The following SEZ6L variants were observed in gnomAD, a reference collection of about 807,000 sequenced individuals.
SEZ6L encodes seizure related 6 homolog like, also known as seizure 6-like protein.
Under a neutral mutation model 106.2 loss-of-function variants are expected in SEZ6L, and 37 were observed. That is an observed-to-expected ratio of 0.35 (90% CI 0.27 to 0.46). The LOEUF is 0.46. Ranked by LOEUF, SEZ6L falls within the 20% of genes least tolerant of loss-of-function variation. SEZ6L has a pLI of 1.00. For synonymous variants in SEZ6L, 541 were observed against 570.4 expected, an observed-to-expected ratio of 0.95 and a Z score of 0.73; for missense variants, 1,172 against 1,332.8, an observed-to-expected ratio of 0.88 and a Z score of 1.88.
chr22:26,204,902 C>T lies in SEZ6L; in HGVS notation c.94+35139C>T, dbSNP rs543438345. Among the ~76,000 whole-genome samples the T allele has an allele frequency of 1.6e-3, 251 of 152,358 alleles. 2 individuals are homozygous for T. Among genetic ancestry groups the T allele is most frequent in the South Asian group, 0.014 (70 of 4,828 alleles). On this transcript the variant is annotated intron_variant, in intron 1 of 16. Transcript: ENST00000248933. ...CAGTGGTTCTGTTCACTGCCCCTGC[C>T]CAGCTCTATCTCTCTTTCTGATAAA...
intron 1 of SEZ6L, among the ~76,000 whole-genome samples, chr22:26,252,662 A>G (rs555608183): frequency 6.6e-6 from 1 of 152,350 alleles, no homozygotes; most frequent in South Asian, 2.1e-4. Context: ...ATAAGTGAGA[A>G]CATGCAGTAT....
Position 26,306,057 on chromosome 22 carries a change from G to T in SEZ6L, c.1427G>T (p.Ser476Ile). The change falls in exon 6 of 17, where the codon AGC (serine) becomes ATC (isoleucine). Residue 476 changes from serine to isoleucine, a missense_variant. By Grantham distance (142) the Ser-to-Ile change is moderately radical (BLOSUM62 -2). Around this residue, in one of 4 missense-constraint regions of SEZ6L, gnomAD observed 534 missense variants for 691.0 expected, o/e 0.77. Transcript: ENST00000248933. ...SPSYPENTNG[S>I]QFCIWTIEAP... ...AGTTACCCTGAAAACACAAATGGGA[G>T]CCAATTCTGCATCTGGACGATTGAA... 8 of 1,614,152 alleles carry T rather than the reference G, an allele frequency of 5.0e-6. No individual in the cohort carries two copies. The highest frequency in any genetic ancestry group is 6.8e-6 in the Non-Finnish European group (8 of 1,180,036).
At chr22:26,281,706 G>A (rs369328478) in intron 1 of SEZ6L, among the ~76,000 whole-genome samples, 2 of 152,194 alleles carry the variant, frequency 1.3e-5, no homozygotes, top group South Asian at 2.1e-4. Context: ...ACCCAGTTCC[G>A]ATGTTCTGTG....
At chr22:26,348,817 A>AGGGGGGG (rs1437452365) in intron 11 of SEZ6L, among the ~76,000 whole-genome samples, 1 of 5,682 alleles carries the variant, frequency 1.8e-4, no homozygotes, top group Admixed American at 1.9e-3. Context: ...AGGGGAGAGA[A>AGGGGGGG]GAGAGGGAAG....
At chr22:26,251,353 T>C (rs1396923561) in intron 1 of SEZ6L, among the ~76,000 whole-genome samples, 1 of 126,514 alleles carries the variant, frequency 7.9e-6, no homozygotes, top group Non-Finnish European at 1.8e-5. Context: ...TTTTTTTTTT[T>C]TATCATGAAT....
intron 10 of SEZ6L, among the ~76,000 whole-genome samples, chr22:26,347,227 A>T (rs2083037952): frequency 6.6e-6 from 1 of 151,912 alleles, no homozygotes; most frequent in South Asian, 2.1e-4. Context: ...GATGATGATG[A>T]TAAGAATAAT....
Position 26,278,986 on chromosome 22 carries a change from G to GAGGA in SEZ6L, c.95-13400_95-13397dup, listed in dbSNP as rs71322608. Among the ~76,000 whole-genome samples the GAGGA allele has an allele frequency of 1.1e-3, 49 of 43,940 alleles. 1 individual carries two copies. Among genetic ancestry groups the GAGGA allele is most frequent in the East Asian group, 7.1e-3 (26 of 3,658 alleles). 28.8% of individuals were successfully genotyped at this position (43,940 alleles called of 152,430 possible). A position where few individuals can be genotyped will look rare whatever the true frequency, so the allele number is the denominator to read the frequency against. ...GGAGAGAGGAAGGGAGGGAGGGAGG[G>GAGGA]AGGAAGGAAGGAAGGAAGGAAGGGA... On this transcript the variant is annotated intron_variant, in intron 1 of 16. Transcript: ENST00000248933.
At chr22:26,199,866 A>C (rs1444757536) in intron 1 of SEZ6L, among the ~76,000 whole-genome samples, 1 of 152,246 alleles carries the variant, frequency 6.6e-6, no homozygotes, top group African/African-American at 2.4e-5. Flanking sequence ...AGCACCTCCC[A>C]TGGCCAGTGA....
intron 11 of SEZ6L, among the ~76,000 whole-genome samples, chr22:26,348,405 G>T (rs1467408238): frequency 6.6e-6 from 1 of 150,444 alleles, no homozygotes. Flanking sequence ...TCAGGAGGCT[G>T]AGACAGAAGG....
chr22:26,292,064 T>G (rs1444379419), intron 1 of SEZ6L, among the ~76,000 whole-genome samples: 224 of 91,876 alleles, frequency 2.4e-3, no homozygotes, highest in African/African-American at 4.2e-3. Context: ...AGGAAGGAAA[T>G]GAAGGAAGAA....
intron 1 of SEZ6L, among the ~76,000 whole-genome samples, chr22:26,173,211 G>A (rs1043987345): frequency 6.6e-6 from 1 of 152,216 alleles, no homozygotes; most frequent in Non-Finnish European, 1.5e-5. Flanking sequence ...CTCAAGTAAT[G>A]TTTATTTCTT....
At chr22:26,353,097 A>G (rs913973028) in intron 12 of SEZ6L, among the ~76,000 whole-genome samples, 1 of 152,240 alleles carries the variant, frequency 6.6e-6, no homozygotes, top group Non-Finnish European at 1.5e-5. Context: ...TTCCACAAGT[A>G]ACAGGGATTC....
chr22:26,265,580 T>G (rs1432519949), intron 1 of SEZ6L, among the ~76,000 whole-genome samples: 1 of 152,198 alleles, frequency 6.6e-6, no homozygotes, highest in East Asian at 1.9e-4. Flanking sequence ...GGAAAGCACC[T>G]CAGAGAGCTG....
At chr22:26,366,495 A>G (rs1346589491) in intron 13 of SEZ6L, among the ~76,000 whole-genome samples, 1 of 151,920 alleles carries the variant, frequency 6.6e-6, no homozygotes, top group East Asian at 1.9e-4. Flanking sequence ...GGAGTTTGAG[A>G]CCAGCCTGGG....
chr22:26,257,995 C>T (rs1249254723), intron 1 of SEZ6L, among the ~76,000 whole-genome samples: 1 of 152,152 alleles, frequency 6.6e-6, no homozygotes, highest in Non-Finnish European at 1.5e-5. Flanking sequence ...TATCTGCTTG[C>T]TCCTGCCAGC....
chr22:26,373,568 T>C, intron 14 of SEZ6L, 85 bp downstream of exon 14: 7 of 1,032,138 alleles, frequency 6.8e-6, no homozygotes, highest in Non-Finnish European at 1.0e-5. Context: ...TATCTTTATT[T>C]AGACACTTAA....
chr22:26,315,086 A>C (rs1465205832), intron 9 of SEZ6L, among the ~76,000 whole-genome samples: 1 of 152,234 alleles, frequency 6.6e-6, no homozygotes, highest in African/African-American at 2.4e-5. Flanking sequence ...GGGAAGCAGC[A>C]CTCACAGTTC....
At chr22:26,344,662 A>G (rs895341687) in intron 10 of SEZ6L, among the ~76,000 whole-genome samples, 2 of 152,252 alleles carry the variant, frequency 1.3e-5, no homozygotes, top group Non-Finnish European at 2.9e-5. Flanking sequence ...GACCGAAACC[A>G]TGACTTCAGA....
chr22:26,348,610 G>A (rs868688165), intron 11 of SEZ6L, among the ~76,000 whole-genome samples: 11 of 23,776 alleles, frequency 4.6e-4, no homozygotes, highest in East Asian at 3.9e-3. Flanking sequence ...GAAAGAAAGA[G>A]AAAAAGAAAG....
Sources: allele counts gnomAD v4.1 joint callset (sites outside exome capture counted in the v4.1 genomes callset), GRCh38; gene constraint gnomAD v4.1.1; regional missense constraint gnomAD v4.1.1; transcripts MANE v1.5; gene names NCBI Gene and HGNC (gene_info 2026-07-23, HGNC 2026-07-21).